FANCC: variants seen among roughly 807,000 people sequenced by gnomAD.
FANCC encodes FA complementation group C, also known as Fanconi anemia group C protein.
In FANCC, 55 loss-of-function variants were observed where a neutral mutation model predicts 71.3. That is an observed-to-expected ratio of 0.77 (90% confidence interval 0.62 to 0.97). FANCC has a LOEUF of 0.97. Ranked by LOEUF, FANCC falls within the 50% of genes least tolerant of loss-of-function variation. FANCC has a pLI of 0.00. For missense variants in FANCC, 678 were observed against 670.9 expected (o/e 1.01, Z -0.12); for synonymous variants, 275 against 244.9 (o/e 1.12, Z -1.15).
chr9:95,299,601 C>G (rs540393004), intron 1 of FANCC, among the ~76,000 whole-genome samples: 5 of 152,184 alleles, frequency 3.3e-5, no homozygotes, highest in Non-Finnish European at 7.3e-5. Context: ...TGGCTCACAC[C>G]TGTAATTCCA....
chr9:95,235,766 C>T (rs981046802), intron 4 of FANCC, among the ~76,000 whole-genome samples: 6 of 148,790 alleles, frequency 4.0e-5, no homozygotes, highest in African/African-American at 1.5e-4. Flanking sequence ...GCTGCTTGAA[C>T]CCAGGAGGCG....
intron 8 of FANCC, chr9:95,127,292 G>A (rs1250889988): frequency 6.6e-6 from 1 of 152,460 alleles, no homozygotes; most frequent in African/African-American, 2.4e-5. Context: ...AGAGCTCAAA[G>A]TATGAGATGA....
At chr9:95,253,865 A>G (rs1831498931) in intron 1 of FANCC, among the ~76,000 whole-genome samples, 1 of 152,200 alleles carries the variant, frequency 6.6e-6, no homozygotes, top group South Asian at 2.1e-4. Flanking sequence ...GGCATTAGTC[A>G]CATTCTCATA....
At chr9:95,133,029 G>A (rs995284182) in intron 8 of FANCC, among the ~76,000 whole-genome samples, 2 of 152,220 alleles carry the variant, frequency 1.3e-5, no homozygotes, top group Middle Eastern at 3.2e-3. Flanking sequence ...GGAGCACAGC[G>A]CAGCAGTCTC....
chr9:95,197,895 C>A (rs1433036962), intron 4 of FANCC, among the ~76,000 whole-genome samples: 1 of 152,216 alleles, frequency 6.6e-6, no homozygotes, highest in Non-Finnish European at 1.5e-5. Flanking sequence ...GGTGGAACAA[C>A]ACAGCAGAGG....
chr9:95,151,849 G>A (rs1212449146), intron 6 of FANCC, among the ~76,000 whole-genome samples: 2 of 151,446 alleles, frequency 1.3e-5, no homozygotes, highest in Admixed American at 1.3e-4. Flanking sequence ...GGTTGCTTGA[G>A]CCCAAGAGGT....
At position 95,228,000 on chromosome 9, in the gene FANCC, A is replaced by T. The variant is rs73654541; in HGVS notation, c.345+12649T>A. On this transcript the variant is annotated intron_variant, in intron 4 of 14. Coordinates refer to ENST00000289081, the MANE Select transcript of FANCC (RefSeq NM_000136.3). ...CCCTGCAACCTCTCTGCACTCCTCC[A>T]ACAAAGTGTCTCTCCCTTCCCTCTG... 8.0e-3 allele frequency among the ~76,000 whole-genome samples: 1,223 copies of T among 152,186 alleles called. 22 individuals are homozygous for T. Among genetic ancestry groups the T allele is most frequent in the African/African-American group, 0.028 (1,151 of 41,526 alleles).
intron 1 of FANCC, among the ~76,000 whole-genome samples, chr9:95,271,196 C>T (rs1588393704): frequency 6.6e-6 from 1 of 152,324 alleles, no homozygotes; most frequent in Non-Finnish European, 1.5e-5. Flanking sequence ...AGGACAGTCT[C>T]CCACAACAAA....
At chr9:95,110,723 AAC>A (rs2071850884) in intron 13 of FANCC, 2 of 750,106 alleles carry the variant, frequency 2.7e-6, no homozygotes, top group Non-Finnish European at 3.3e-6. Flanking sequence ...TGTCCTCTTT[AAC>A]TACTAAGATC....
intron 1 of FANCC, among the ~76,000 whole-genome samples, chr9:95,290,508 C>T (rs979580429): frequency 2.6e-5 from 4 of 151,980 alleles, no homozygotes; most frequent in Non-Finnish European, 5.9e-5. Flanking sequence ...AAGGGAACAC[C>T]ATTAAGAAAG....
chr9:95,259,932 T>C (rs1588374683), intron 1 of FANCC, among the ~76,000 whole-genome samples: 1 of 152,292 alleles, frequency 6.6e-6, no homozygotes, highest in South Asian at 2.1e-4. Flanking sequence ...AACAAACATA[T>C]GAAAACAAGT....
intron 11 of FANCC, among the ~76,000 whole-genome samples, chr9:95,115,490 T>G (rs2072328154): frequency 6.6e-6 from 1 of 152,198 alleles, no homozygotes; most frequent in South Asian, 2.1e-4. Context: ...ATTTCAGGTT[T>G]ACAGTGGAAA....
chr9:95,153,225 T>A (rs1830278612), intron 6 of FANCC, among the ~76,000 whole-genome samples: 1 of 152,236 alleles, frequency 6.6e-6, no homozygotes, highest in African/African-American at 2.4e-5. Context: ...ATATATACCA[T>A]ATTTTCTTTA....
At chr9:95,312,920 G>A (rs1014143652) in intron 1 of FANCC, among the ~76,000 whole-genome samples, 1 of 152,178 alleles carries the variant, frequency 6.6e-6, no homozygotes, top group Non-Finnish European at 1.5e-5. Flanking sequence ...ACCACCTTTG[G>A]TAACTTGCCA....
chr9:95,202,646 A>C (rs1827873356), intron 4 of FANCC, among the ~76,000 whole-genome samples: 1 of 152,250 alleles, frequency 6.6e-6, no homozygotes, highest in African/African-American at 2.4e-5. Context: ...TCCAATTAAG[A>C]AGTAATTACA....
intron 4 of FANCC, among the ~76,000 whole-genome samples, chr9:95,216,088 T>C (rs1047240685): frequency 2.0e-5 from 3 of 152,138 alleles, no homozygotes; most frequent in African/African-American, 7.2e-5. Flanking sequence ...CCAAAAACTA[T>C]ACGCTACCTA....
intron 1 of FANCC, among the ~76,000 whole-genome samples, chr9:95,316,046 TTC>T (rs1835719628): frequency 6.6e-6 from 1 of 152,248 alleles, no homozygotes; most frequent in African/African-American, 2.4e-5. Context: ...TGCTTTTCTT[TTC>T]TGATGCCTTG....
rs539465044 is a variant in FANCC at position 95,139,190 on chromosome 9, T to C, written c.687-3688A>G. On this transcript the variant is annotated intron_variant, in intron 7 of 14. Coordinates refer to ENST00000289081, the MANE Select transcript of FANCC (RefSeq NM_000136.3). ...AAGAACTGCAAATGGCCGATAAAAA[T>C]GTGCAGCTCTCCCATCTAATTAACA... Among the ~76,000 whole-genome samples, 8 of 152,246 alleles carry C rather than the reference T, an allele frequency of 5.3e-5. No homozygotes were observed. The East Asian group carries it at 1.4e-3, about 26-fold the overall frequency.
intron 13 of FANCC, chr9:95,107,535 C>T: frequency 1.8e-6 from 1 of 558,620 alleles, no homozygotes; most frequent in South Asian, 2.1e-5. Context: ...TAAAAGGAAA[C>T]AGAGAAAAGT....
Sources: gnomAD v4.1 joint callset for allele counts (sites outside exome capture counted in the v4.1 genomes callset) on GRCh38, gnomAD v4.1.1 for gene constraint, MANE v1.5 for transcripts, NCBI Gene and HGNC (gene_info 2026-07-23, HGNC 2026-07-21) for gene names.